ANO3: variants seen among roughly 807,000 people sequenced by gnomAD.
ANO3 encodes anoctamin 3.
ANO3 carries 99 observed loss-of-function variants against 144.8 expected under a neutral mutation model. That is an observed-to-expected ratio of 0.68 (90% CI 0.58 to 0.81). ANO3 has a LOEUF of 0.81. Ranked by LOEUF, ANO3 falls within the 30% of genes least tolerant of loss-of-function variation. The pLI is 0.00. For synonymous variants in ANO3, 414 were observed against 392.6 expected (o/e 1.05, Z -0.64); for missense variants, 905 against 1,202.2 (o/e 0.75, Z 3.66).
chr11:26,262,218 G>A (rs1181045003), intron 1 of ANO3, among the ~76,000 whole-genome samples: 1 of 152,090 alleles, frequency 6.6e-6, no homozygotes, highest in Non-Finnish European at 1.5e-5. Flanking sequence ...TTATACTTCT[G>A]TGAAAATGCT....
intron 3 of ANO3, among the ~76,000 whole-genome samples, chr11:26,462,067 A>G (rs979037885): frequency 4.6e-5 from 7 of 151,974 alleles, no homozygotes; most frequent in African/African-American, 1.7e-4. Flanking sequence ...ATGATGTAAC[A>G]TATTATGTTT....
chr11:26,406,893 A>T (rs1385783722), intron 1 of ANO3, among the ~76,000 whole-genome samples: 1 of 150,160 alleles, frequency 6.7e-6, no homozygotes, highest in Non-Finnish European at 1.5e-5. Context: ...GGAAATAGAA[A>T]ACTGAAATAT....
chr11:26,530,857 G>T (rs1849353251), intron 7 of ANO3, among the ~76,000 whole-genome samples: 1 of 151,994 alleles, frequency 6.6e-6, no homozygotes, highest in South Asian at 2.1e-4. Context: ...GACAGAGCGA[G>T]ACTGTCTCAA....
chr11:26,280,666 C>T (rs929023910), intron 1 of ANO3, among the ~76,000 whole-genome samples: 1 of 152,152 alleles, frequency 6.6e-6, no homozygotes, highest in African/African-American at 2.4e-5. Context: ...TCTCCTTTGG[C>T]AACACCCTCA....
At chr11:26,542,411 G>T (rs1849670198) in intron 11 of ANO3, among the ~76,000 whole-genome samples, 1 of 151,982 alleles carries the variant, frequency 6.6e-6, no homozygotes, top group Admixed American at 6.6e-5. Context: ...GAAAGTGAGG[G>T]GGAGGATGGA....
intron 5 of ANO3, among the ~76,000 whole-genome samples, chr11:26,515,599 T>C (rs1342388927): frequency 6.6e-6 from 1 of 152,008 alleles, no homozygotes; most frequent in East Asian, 1.9e-4. Flanking sequence ...TTTGGGGCTA[T>C]AGTAGTATAT....
chr11:26,207,453 T>C (rs1851826059), intron 1 of ANO3, among the ~76,000 whole-genome samples: 2 of 152,170 alleles, frequency 1.3e-5, no homozygotes, highest in South Asian at 2.1e-4. Context: ...GCATCTTGCA[T>C]GAACAAATAC....
intron 18 of ANO3, among the ~76,000 whole-genome samples, chr11:26,633,951 G>A (rs899719057): frequency 6.6e-6 from 1 of 151,822 alleles, no homozygotes; most frequent in East Asian, 1.9e-4. Context: ...GGTGGCGGGC[G>A]CTTATAATCC....
At chr11:26,627,295 T>TCTTCTCCCCTCCTTCTCCTCCTCTTCCC (rs1336039272) in intron 18 of ANO3, among the ~76,000 whole-genome samples, 6 of 151,844 alleles carry the variant, frequency 4.0e-5, no homozygotes, top group Non-Finnish European at 5.9e-5. Context: ...TCTCTCTTCT[T>TCTTCTCCCCTCCTTCTCCTCCTCTTCCC]CTTCTCCCCT....
chr11:26,586,667 T>C (rs958695234), intron 14 of ANO3, among the ~76,000 whole-genome samples: 1 of 147,464 alleles, frequency 6.8e-6, no homozygotes. Context: ...CACACCCGGC[T>C]AACTTTTTTG....
chr11:26,235,036 G>A (rs578117293), intron 1 of ANO3, among the ~76,000 whole-genome samples: 1 of 151,810 alleles, frequency 6.6e-6, no homozygotes, highest in African/African-American at 2.4e-5. Context: ...TGAGGGGAGA[G>A]CGAGAGTGAA....
chr11:26,558,217 A>G (rs1850146873), intron 13 of ANO3, among the ~76,000 whole-genome samples: 1 of 152,210 alleles, frequency 6.6e-6, no homozygotes, highest in Non-Finnish European at 1.5e-5. Flanking sequence ...AATTGCTACT[A>G]AGGATGGCTT....
chr11:26,509,522 A>C (rs1163953732), intron 5 of ANO3, among the ~76,000 whole-genome samples: 1 of 152,088 alleles, frequency 6.6e-6, no homozygotes, highest in Non-Finnish European at 1.5e-5. Flanking sequence ...CATGTTGGCC[A>C]GGCTGGTCTT....
intron 4 of ANO3, among the ~76,000 whole-genome samples, chr11:26,484,139 C>A (rs1860345308): frequency 1.3e-5 from 2 of 152,058 alleles, no homozygotes; most frequent in African/African-American, 2.4e-5. Flanking sequence ...GCAAAGAGAT[C>A]ACATGGAACT....
chr11:26,607,636 G>T (rs957554757), intron 17 of ANO3, among the ~76,000 whole-genome samples: 4 of 152,120 alleles, frequency 2.6e-5, no homozygotes, highest in African/African-American at 9.7e-5. Flanking sequence ...TTATTGTGTG[G>T]GAGTCTACGT....
In ANO3 at chr11:26,204,371, A is replaced by T. The variant is rs912507787; in HGVS notation, c.154+15041A>T. ...TGCAACACATTCTAGAAGGGCAAGG[A>T]GCTAAGTAGCTACTCTTCAGCTCTC... On this transcript the variant is annotated intron_variant, in intron 1 of 27. Coordinates refer to the ANO3 transcript ENST00000672621. Among the ~76,000 whole-genome samples the T allele has an allele frequency of 2.0e-5, 3 of 152,256 alleles. No homozygotes were observed. In the South Asian group the frequency reaches 6.2e-4, roughly 32 times the overall value.
intron 1 of ANO3, among the ~76,000 whole-genome samples, chr11:26,279,568 A>G (rs1853633039): frequency 6.6e-6 from 1 of 152,232 alleles, no homozygotes. Context: ...CAAATAGTCA[A>G]GAAGCACATG....
chr11:26,656,347 G>C (rs773864852), intron 25 of ANO3, 29 bp from the exon 26 acceptor site: 1 of 1,530,542 alleles, frequency 6.5e-7, no homozygotes, highest in East Asian at 2.2e-5. Context: ...ATCTCTATTT[G>C]TCATTCTCTT....
At chr11:26,559,222 G>A (rs1850185297) in intron 13 of ANO3, 1 of 152,584 alleles carries the variant, frequency 6.6e-6, no homozygotes, top group South Asian at 2.1e-4. Context: ...ACATCTTATA[G>A]CCATTATTGG....
Sources: gnomAD v4.1 joint callset for allele counts (sites outside exome capture counted in the v4.1 genomes callset) on GRCh38, gnomAD v4.1.1 for gene constraint, MANE v1.5 for transcripts, NCBI Gene and HGNC (gene_info 2026-07-23, HGNC 2026-07-21) for gene names.